The following MS4A18 variants were observed in gnomAD, a reference collection of about 807,000 sequenced individuals.
MS4A18 encodes the protein membrane spanning 4-domains A18, also known as membrane-spanning 4-domains subfamily A member 18.
Under a neutral mutation model 13.1 loss-of-function variants are expected in MS4A18, and 27 were observed. The observed-to-expected ratio is 2.06, with a 90% CI of 1.52 to 2.84. MS4A18 has a LOEUF of 2.84. Ranked by LOEUF, MS4A18 falls within the 30% of genes most tolerant of loss-of-function variation. The pLI is 0.00. For missense variants in MS4A18, 307 were observed against 196.4 expected, an observed-to-expected ratio of 1.56 and a Z score of -3.37; for synonymous variants, 126 against 76.5, an observed-to-expected ratio of 1.65 and a Z score of -3.38.
chr11:60,743,456 G>A (rs1019636495), intron 5 of MS4A18, among the ~76,000 whole-genome samples, 194 bp from the exon 7 acceptor site: 1 of 152,218 alleles, frequency 6.6e-6, no homozygotes, highest in African/African-American at 2.4e-5. Context: ...GAGAAAGCAA[G>A]CTCCAATGGG....
At chr11:60,743,344 G>A (rs891974953) in intron 5 of MS4A18, among the ~76,000 whole-genome samples, 1 of 152,208 alleles carries the variant, frequency 6.6e-6, no homozygotes, top group African/African-American at 2.4e-5. Flanking sequence ...TGGGTGTCTG[G>A]CTCTTTGCAA....
At chr11:60,728,746 T>C (rs916731193), upstream of MS4A18, among the ~76,000 whole-genome samples, 5 of 151,874 alleles carry the variant, frequency 3.3e-5, no homozygotes, top group Middle Eastern at 3.2e-3. Flanking sequence ...TCTTCTTTTA[T>C]CTCTCCCTCC....
At chr11:60,726,618 T>A (rs1468126092), upstream of MS4A18, among the ~76,000 whole-genome samples, 1 of 152,166 alleles carries the variant, frequency 6.6e-6, no homozygotes, top group Non-Finnish European at 1.5e-5. Context: ...GACCGTACTT[T>A]GAGATCCTCT....
intron 5 of MS4A18, among the ~76,000 whole-genome samples, chr11:60,742,272 T>C (rs530954483): frequency 6.6e-6 from 1 of 152,344 alleles, no homozygotes; most frequent in South Asian, 2.1e-4. Flanking sequence ...AAGGCCTGTA[T>C]TTTCCACCTT....
At chr11:60,728,405 T>A (rs1267724337), upstream of MS4A18, among the ~76,000 whole-genome samples, 1 of 94,926 alleles carries the variant, frequency 1.1e-5, no homozygotes, top group Non-Finnish European at 2.1e-5. Context: ...TGTGTATGTA[T>A]GTGTGTGTGT....
chr11:60,734,717 G>T (rs1346247290), intron 2 of MS4A18, among the ~76,000 whole-genome samples: 1 of 152,006 alleles, frequency 6.6e-6, no homozygotes, highest in Non-Finnish European at 1.5e-5. Context: ...TTTCAGTTTG[G>T]GATGATAAAA....
intron 2 of MS4A18, among the ~76,000 whole-genome samples, chr11:60,734,688 G>C (rs933336142): frequency 6.6e-6 from 1 of 152,136 alleles, no homozygotes; most frequent in Admixed American, 6.5e-5. Context: ...TGGGGAGTTA[G>C]TGTTTTATGG....
chr11:60,735,610 T>C, intron 2 of MS4A18, among the ~76,000 whole-genome samples: 1 of 149,634 alleles, frequency 6.7e-6, no homozygotes, highest in East Asian at 2.0e-4. Context: ...GTGCTGGGAT[T>C]ACAAGCGTGA....
At chr11:60,744,507 A>G (rs905029701), downstream of MS4A18, among the ~76,000 whole-genome samples, 2 of 152,204 alleles carry the variant, frequency 1.3e-5, no homozygotes, top group African/African-American at 4.8e-5. Context: ...CAATTCACAA[A>G]AGGAAAAAAA....
intron 1 of MS4A18, among the ~76,000 whole-genome samples, chr11:60,733,228 T>A (rs1853283491): frequency 6.6e-6 from 1 of 152,248 alleles, no homozygotes; most frequent in African/African-American, 2.4e-5. Context: ...TCGGCCCGTG[T>A]CTCTGCACAC....
upstream of MS4A18, among the ~76,000 whole-genome samples, chr11:60,728,156 G>T (rs937432033): frequency 6.6e-6 from 1 of 152,208 alleles, no homozygotes; most frequent in Non-Finnish European, 1.5e-5. Flanking sequence ...AGGCCACTTG[G>T]CCCATGGTTC....
At chr11:60,738,373 C>A (rs12421597) in intron 3 of MS4A18, among the ~76,000 whole-genome samples, 28,741 of 152,194 alleles carry the variant, frequency 0.19, 3,127 homozygotes, top group Admixed American at 0.27. Flanking sequence ...ACCAAGTCTC[C>A]CCGACTCCCT....
intron 1 of MS4A18, among the ~76,000 whole-genome samples, chr11:60,731,786 G>A (rs1853256831): frequency 1.3e-5 from 2 of 152,100 alleles, no homozygotes; most frequent in Non-Finnish European, 2.9e-5. Flanking sequence ...CAATTCTAAT[G>A]TTAGTTCTGT....
intron 5 of MS4A18, 144 bp from the exon 7 acceptor site, chr11:60,743,506 C>G: frequency 1.6e-6 from 1 of 619,164 alleles, no homozygotes; most frequent in Non-Finnish European, 2.9e-6. Context: ...GCCCCCTTGG[C>G]CAAAGAAAGT....
At chr11:60,742,883 G>A (rs1172575917) in intron 5 of MS4A18, among the ~76,000 whole-genome samples, 6 of 152,108 alleles carry the variant, frequency 3.9e-5, no homozygotes, top group Non-Finnish European at 8.8e-5. Flanking sequence ...GATCTCCTTA[G>A]CCAAATCCAA....
chr11:60,736,404 C>T (rs1344696252), intron 2 of MS4A18, among the ~76,000 whole-genome samples: 3 of 151,972 alleles, frequency 2.0e-5, no homozygotes, highest in Admixed American at 1.3e-4. Context: ...TCAGGGCTCT[C>T]ATAACTGAAC....
intron 1 of MS4A18, among the ~76,000 whole-genome samples, chr11:60,733,268 T>C (rs910688918): frequency 6.6e-6 from 1 of 152,250 alleles, no homozygotes; most frequent in Admixed American, 6.5e-5. Flanking sequence ...GGAACACATT[T>C]CTTGCTCTGT....
rs1302726410 is a variant in MS4A18, at chr11:60,736,953, T to C, written c.592-25T>C. 3.6e-5 allele frequency: 9 copies of C among 251,586 alleles called. No homozygotes were observed. The Admixed American group carries it at 3.6e-4, about 10-fold the overall frequency. 15.6% of individuals were successfully genotyped at this position (251,586 alleles called of 1,614,324 possible). On this transcript the variant is annotated intron_variant, in intron 2 of 5. Coordinates refer to ENST00000529108, the Ensembl canonical transcript of MS4A18. Reference sequence around the variant, plus strand: ...AACATGCTGCACAATTGGTCATTCTTTTTTTTTTTTTTTTGTCTGCGTAGT... The same window carrying C: ...AACATGCTGCACAATTGGTCATTCTCTTTTTTTTTTTTTTGTCTGCGTAGT...
intron 5 of MS4A18, 82 bp downstream of exon 6, chr11:60,741,225 G>A (rs1420078159): frequency 2.9e-6 from 2 of 699,428 alleles, no homozygotes; most frequent in East Asian, 2.7e-5. Flanking sequence ...CCAGAGATCT[G>A]GAGAAATGAG....
Sources: gnomAD v4.1 joint callset for allele counts (sites outside exome capture counted in the v4.1 genomes callset) on GRCh38, gnomAD v4.1.1 for gene constraint, MANE v1.5 for transcripts, NCBI Gene and HGNC (gene_info 2026-07-23, HGNC 2026-07-21) for gene names.